GRIN2B: variants seen among roughly 807,000 people sequenced by gnomAD.
The protein encoded by GRIN2B is glutamate ionotropic receptor NMDA type subunit 2B.
Under a neutral mutation model 114.5 loss-of-function variants are expected in GRIN2B, and 5 were observed. That is an observed-to-expected ratio of 0.04 (90% CI 0.02 to 0.09). The LOEUF (loss-of-function observed/expected upper bound fraction) is 0.09. Ranked by LOEUF, GRIN2B falls within the 10% of genes least tolerant of loss-of-function variation. The pLI is 1.00. For synonymous variants in GRIN2B, 787 were observed against 745.1 expected, an observed-to-expected ratio of 1.06 and a Z score of -0.92; for missense variants, 1,108 against 1,943.5, an observed-to-expected ratio of 0.57 and a Z score of 8.08.
At chr12:13,943,015 A>G (rs10772720) in intron 2 of GRIN2B, among the ~76,000 whole-genome samples, 15,802 of 152,054 alleles carry the variant, frequency 0.1, 1,633 homozygotes, top group East Asian at 0.42. Context: ...TCTCTTTAGC[A>G]GCAGGTGGTA....
rs77468306 is a variant in GRIN2B at position 13,697,299 on chromosome 12, A to C, written c.1011-21440T>G. 2.6e-3 allele frequency among the ~76,000 whole-genome samples: 403 copies of C among 152,254 alleles called. 5 individuals are homozygous for C. Among genetic ancestry groups the C allele is most frequent in the African/African-American group, 9.4e-3 (390 of 41,542 alleles). ...CCAATTCAGGAAGCAGCTTGTCTCT[A>C]AATGTGATTAGAAAAAAAAACAGAA... On this transcript the variant is annotated intron_variant, in intron 4 of 13. Transcript: ENST00000609686.
intron 10 of GRIN2B, among the ~76,000 whole-genome samples, chr12:13,578,812 C>T (rs1948809157): frequency 6.6e-6 from 1 of 152,032 alleles, no homozygotes; most frequent in Non-Finnish European, 1.5e-5. Flanking sequence ...ACTGGCTGTC[C>T]TGAAAAGGCC....
intron 4 of GRIN2B, among the ~76,000 whole-genome samples, chr12:13,688,430 G>T (rs1204877594): frequency 6.6e-6 from 1 of 152,088 alleles, no homozygotes; most frequent in Non-Finnish European, 1.5e-5. Context: ...GCACATTACT[G>T]GTAAGGAGCT....
At chr12:13,651,744 C>T (rs537484840) in intron 5 of GRIN2B, among the ~76,000 whole-genome samples, 2 of 152,136 alleles carry the variant, frequency 1.3e-5, no homozygotes, top group East Asian at 1.9e-4. Flanking sequence ...TTTTCTAGTG[C>T]CAGTAAACAG....
At chr12:13,944,145 C>G (rs1867321815) in intron 2 of GRIN2B, among the ~76,000 whole-genome samples, 1 of 152,182 alleles carries the variant, frequency 6.6e-6, no homozygotes, top group Non-Finnish European at 1.5e-5. Flanking sequence ...CCATTTCTGT[C>G]TAGGTCTTAT....
At chr12:13,590,407 G>C (rs1948991461) in intron 10 of GRIN2B, among the ~76,000 whole-genome samples, 3 of 152,084 alleles carry the variant, frequency 2.0e-5, no homozygotes, top group South Asian at 4.2e-4. Context: ...ACTCCCGACA[G>C]GTGCTGGTGT....
Position 13,540,212 on chromosome 12 carries a change from A to G in GRIN2B, c.*22571T>C, listed in dbSNP as rs1948259377. ...CACAGTAAAGAAAGCACAAAGACCA[A>G]GAAAAAAACTCTGATTCTGGATTTT... On this transcript the variant is annotated 3_prime_UTR_variant, in exon 14 of 14. Coordinates refer to ENST00000609686, the MANE Select transcript of GRIN2B (RefSeq NM_000834.5). 6.6e-6 allele frequency: 1 copy of G among 152,208 alleles called. No individual in the cohort carries two copies. The highest frequency in any genetic ancestry group is 1.5e-5 in the Non-Finnish European group (1 of 68,044). The allele number at this position is 152,208 out of a possible 1,614,324, so 9.4% of individuals were successfully genotyped here.
chr12:13,704,652 C>G (rs1429300590), intron 4 of GRIN2B, among the ~76,000 whole-genome samples: 3 of 152,044 alleles, frequency 2.0e-5, no homozygotes. Context: ...CCAGTTAGAC[C>G]CAGCACCCCA....
intron 2 of GRIN2B, among the ~76,000 whole-genome samples, chr12:13,885,100 G>A (rs2136769192): frequency 6.6e-6 from 1 of 152,196 alleles, no homozygotes; most frequent in Middle Eastern, 3.4e-3. Flanking sequence ...AAACTGATGA[G>A]GGGTAAAACA....
rs968860615 is a variant in GRIN2B, at chr12:13,645,362, G to A, written c.1126-28705C>T. Among the ~76,000 whole-genome samples the A allele has an allele frequency of 2.0e-5, 3 of 152,150 alleles. No homozygotes were observed. The East Asian group carries it at 5.8e-4, about 30-fold the overall frequency. On this transcript the variant is annotated intron_variant, in intron 5 of 13. Transcript: ENST00000609686. ...TAAATTTGCTGTCTTATCTGGGTGT[G>A]GTTGGTGGCATCCCAAAACAATTAC...
intron 4 of GRIN2B, among the ~76,000 whole-genome samples, chr12:13,708,613 T>G (rs1950384572): frequency 6.6e-6 from 1 of 151,984 alleles, no homozygotes; most frequent in African/African-American, 2.4e-5. Flanking sequence ...ATTTGTGGGG[T>G]TTTTTGAGCA....
At chr12:13,842,025 C>A (rs1865388083) in intron 3 of GRIN2B, among the ~76,000 whole-genome samples, 1 of 152,124 alleles carries the variant, frequency 6.6e-6, no homozygotes, top group African/African-American at 2.4e-5. Flanking sequence ...AAGCAACTGG[C>A]AATAGAGGCT....
intron 4 of GRIN2B, among the ~76,000 whole-genome samples, chr12:13,676,165 A>T: frequency 6.6e-6 from 1 of 152,162 alleles, no homozygotes; most frequent in East Asian, 1.9e-4. Context: ...CAGGGAGGGG[A>T]ACAAGACACA....
At chr12:13,776,704 G>A (rs995681212) in intron 3 of GRIN2B, among the ~76,000 whole-genome samples, 4 of 152,034 alleles carry the variant, frequency 2.6e-5, no homozygotes, top group Non-Finnish European at 5.9e-5. Context: ...GGGGATTAGA[G>A]CGGAGACAAG....
At chr12:13,877,558 T>C (rs1866008833) in intron 2 of GRIN2B, among the ~76,000 whole-genome samples, 3 of 152,162 alleles carry the variant, frequency 2.0e-5, no homozygotes, top group Admixed American at 2.0e-4. Flanking sequence ...GCCTTCCTCC[T>C]CTCTCTCCTT....
rs146026634 is a variant in GRIN2B at position 13,655,150 on chromosome 12, G to C, written c.1125+20595C>G. Among the ~76,000 whole-genome samples, 323 of 152,144 alleles carry C rather than the reference G, an allele frequency of 2.1e-3. 1 individual carries two copies. The highest frequency in any genetic ancestry group is 7.4e-3 in the African/African-American group (306 of 41,524). On this transcript the variant is annotated intron_variant, in intron 5 of 13. Coordinates refer to ENST00000609686, the MANE Select transcript of GRIN2B (RefSeq NM_000834.5). ...GGGTGGTAGTTGCATATCATTTGGA[G>C]AGAATCAACATTCAACCAAAAAACC...
chr12:13,609,601 G>GAT (rs1256355994), intron 9 of GRIN2B, among the ~76,000 whole-genome samples: 15 of 152,050 alleles, frequency 9.9e-5, no homozygotes, highest in Non-Finnish European at 4.4e-5. Flanking sequence ...GTGAAACCCC[G>GAT]TCTCTACTAA....
chr12:13,605,024 G>A (rs74067228), intron 10 of GRIN2B, among the ~76,000 whole-genome samples: 3,098 of 151,736 alleles, frequency 0.02, 107 homozygotes, highest in African/African-American at 0.071. Context: ...GTTTTTGCCA[G>A]GGGCTCTTAA....
intron 3 of GRIN2B, among the ~76,000 whole-genome samples, chr12:13,824,761 CA>C (rs1864999563): frequency 1.4e-5 from 2 of 147,410 alleles, no homozygotes; most frequent in South Asian, 4.3e-4. Flanking sequence ...GAGGCTGAGG[CA>C]GGAGAATTGC....
Sources: gnomAD v4.1 joint callset for allele counts (sites outside exome capture counted in the v4.1 genomes callset) on GRCh38, gnomAD v4.1.1 for gene constraint, MANE v1.5 for transcripts, NCBI Gene and HGNC (gene_info 2026-07-23, HGNC 2026-07-21) for gene names.